ZNF462: variants seen among roughly 807,000 people sequenced by gnomAD.
ZNF462 encodes the protein zinc finger PBX1-interacting protein.
A neutral mutation model predicts 201.9 loss-of-function variants in ZNF462; 10 were observed. The ratio of observed to expected loss-of-function variants is 0.05; its 90% confidence interval spans 0.03 to 0.08. The LOEUF (loss-of-function observed/expected upper bound fraction) is 0.08, where lower values mean the gene tolerates loss of function less well. Among genes scored for constraint, ZNF462 ranks in the 10% least tolerant of loss-of-function variants. The pLI, the probability that ZNF462 is intolerant of heterozygous loss-of-function variation, is 1.00. For missense variants in ZNF462, 2,523 were observed against 3,168.3 expected, an observed-to-expected ratio of 0.80 and a Z score of 4.89; for synonymous variants, 1,227 against 1,193.3, an observed-to-expected ratio of 1.03 and a Z score of -0.58.
chr9:106,868,074 G>GAAAA (rs5899719), intron 1 of ZNF462, among the ~76,000 whole-genome samples: 3 of 145,510 alleles, frequency 2.1e-5, no homozygotes, highest in African/African-American at 2.5e-5. Context: ...CCAGTGAACT[G>GAAAA]AAAAAAAAAA....
rs1461690379 is a variant in ZNF462, at chr9:106,924,935, G to A, written c.1023G>A (p.Met341Ile). ...PNSSASKFSP[M>I]SYPQMKPKSP... ...CTTCAGCTTCCAAGTTTTCGCCCAT[G>A]TCTTACCCTCAGATGAAGCCGAAGT... The change falls in exon 3 of 13, where the codon ATG (methionine) becomes ATA (isoleucine). Residue 341 changes from methionine (M) to isoleucine (I), a missense_variant. Physicochemically the swap from Met to Ile is conservative, Grantham distance 10 (BLOSUM62 1). Coordinates refer to ENST00000277225, the MANE Select transcript of ZNF462 (RefSeq NM_021224.6). The surrounding 1 kb of genome is among the most constrained non-coding windows in gnomAD (Gnocchi z 6.2). 5 of 1,614,046 alleles carry A rather than the reference G, an allele frequency of 3.1e-6. No homozygotes were observed. The highest frequency in any genetic ancestry group is 1.3e-5 in the African/African-American group (1 of 74,920).
chr9:106,997,353 T>G (rs1349364138), intron 10 of ZNF462, among the ~76,000 whole-genome samples: 1 of 152,124 alleles, frequency 6.6e-6, no homozygotes, highest in African/African-American at 2.4e-5. Flanking sequence ...AAAATCAGTG[T>G]CTCAAAGAGC....
At chr9:106,999,991 C>T (rs1356171307) in intron 10 of ZNF462, among the ~76,000 whole-genome samples, 4 of 151,882 alleles carry the variant, frequency 2.6e-5, no homozygotes, top group Non-Finnish European at 2.9e-5. Flanking sequence ...CTCTTGAAGG[C>T]GGGGTGCAGA....
rs761675707 is a variant in ZNF462 at position 106,926,602 on chromosome 9, A to C, written c.2690A>C (p.Asn897Thr). Residue 897 changes from asparagine to threonine, a missense_variant, in exon 3 of 13, where the codon AAC becomes ACC. This residue lies in a region of ZNF462 where 280 missense variants were observed against 321.3 expected (regional missense o/e 0.87). Coordinates refer to ENST00000277225, the MANE Select transcript of ZNF462 (RefSeq NM_021224.6). The surrounding 1 kb of genome is among the most constrained non-coding windows in gnomAD (Gnocchi z 7.9). ...CTGGAATGCTACATCGATTACACCA[A>C]CTTCGAAGATCTCCAGCAGCATTAT... ...RCLECYIDYT[N>T]FEDLQQHYGE... 9.9e-6 allele frequency: 16 copies of C among 1,614,074 alleles called. No individual in the cohort carries two copies. The highest frequency in any genetic ancestry group is 1.4e-5 in the Non-Finnish European group (16 of 1,180,032).
Position 106,863,181 on chromosome 9 carries a change from A to C in ZNF462, c.-205A>C. Reference sequence around the variant, plus strand: ...CAGCTGCAGCGAGTCTGAGGAGCCGAGGAAGGCAGGGAAGATGGCGATCCT... The same window carrying C: ...CAGCTGCAGCGAGTCTGAGGAGCCGCGGAAGGCAGGGAAGATGGCGATCCT... On this transcript the variant is annotated 5_prime_UTR_variant, in exon 1 of 13. Coordinates refer to ENST00000277225, the MANE Select transcript of ZNF462 (RefSeq NM_021224.6). 2 of 399,190 alleles carry C rather than the reference A, an allele frequency of 5.0e-6. No individual in the cohort carries two copies. Among genetic ancestry groups the C allele is most frequent in the Non-Finnish European group, 8.8e-6 (2 of 226,356 alleles). 24.7% of individuals were successfully genotyped at this position (399,190 alleles called of 1,614,324 possible).
At position 106,929,184 on chromosome 9, in the gene ZNF462, G is replaced by A. The variant is rs1339655601; in HGVS notation, c.5272G>A (p.Glu1758Lys). The A allele has an allele frequency of 1.9e-6, 3 of 1,614,128 alleles. No homozygotes were observed. Among genetic ancestry groups the A allele is most frequent in the Non-Finnish European group, 2.5e-6 (3 of 1,180,022 alleles). ...PPKDDSPQLS[E>K]ELRRAVEKKK... ...CAAGGACGACTCCCCTCAGCTGAGCGAGGAACTCCGGCGGGCAGTGGAGAA... is the reference window on the plus strand; with the variant it reads ...CAAGGACGACTCCCCTCAGCTGAGCAAGGAACTCCGGCGGGCAGTGGAGAA... The change falls in exon 3 of 13, where the codon GAG (glutamate) becomes AAG (lysine). Residue 1758 changes from glutamate to lysine, a missense_variant. By Grantham distance (56) the Glu-to-Lys change is moderately conservative. This residue lies in a region of ZNF462 where 207 missense variants were observed against 231.6 expected (regional missense o/e 0.89). Transcript: ENST00000277225. This position sits in a 1 kb window ranked among gnomAD's most constrained non-coding sequence, Gnocchi z 8.7.
chr9:106,862,103 T>G (rs1003634421), upstream of ZNF462, among the ~76,000 whole-genome samples: 11 of 151,850 alleles, frequency 7.2e-5, no homozygotes, highest in Non-Finnish European at 8.8e-5. The surrounding 1 kb of genome is among the most constrained non-coding windows in gnomAD (Gnocchi z 4.2). Flanking sequence ...AGGAAAGAAA[T>G]AAAACGCACA....
chr9:106,982,912 C>T (rs940823816), intron 9 of ZNF462, among the ~76,000 whole-genome samples: 2 of 152,118 alleles, frequency 1.3e-5, no homozygotes, highest in African/African-American at 2.4e-5. Context: ...TACAACGTAC[C>T]GATGCCCTGG....
rs1829474637 is a variant in ZNF462, at chr9:107,005,372, A to G, written c.7189+1946A>G. Among the ~76,000 whole-genome samples, 6 of 152,294 alleles carry G rather than the reference A, an allele frequency of 3.9e-5. No individual in the cohort carries two copies. In the South Asian group the frequency reaches 1.0e-3, roughly 26 times the overall value. On this transcript the variant is annotated intron_variant, in intron 11 of 12. Coordinates refer to ENST00000277225, the MANE Select transcript of ZNF462 (RefSeq NM_021224.6). The surrounding 1 kb of genome is among the most constrained non-coding windows in gnomAD (Gnocchi z 4.4). ...CGCTTATCTCCACATTCTCTCTAGC[A>G]TGTTATCTTCACTCTTTTTGATAAT...
chr9:106,917,848 ATATTTATTTATTTATT>A lies in ZNF462; in HGVS notation c.-30-5476_-30-5461del, dbSNP rs57577781. 0.033 allele frequency among the ~76,000 whole-genome samples: 4,846 copies of A among 145,686 alleles called. 265 individuals are homozygous for A. Among genetic ancestry groups the A allele is most frequent in the African/African-American group, 0.11 (4,440 of 39,444 alleles). On this transcript the variant is annotated intron_variant, in intron 1 of 12. Transcript: ENST00000277225. This position sits in a 1 kb window ranked among gnomAD's most constrained non-coding sequence, Gnocchi z 4.5. ...TATTTTGCTGGTTTATTATTTTTTT[ATATTTATTTATTTATT>A]TATTTATTTATTTATTTATTTATTT...
chr9:106,971,405 C>T (rs763666931), intron 7 of ZNF462, among the ~76,000 whole-genome samples: 24 of 151,146 alleles, frequency 1.6e-4, no homozygotes, highest in African/African-American at 4.9e-4. Context: ...AACAAAAAAA[C>T]GGTTTACTTT....
In ZNF462 at chr9:106,927,953, T is replaced by C. The variant is rs371215534; in HGVS notation, c.4041T>C (p.Thr1347=). The part of the protein sequence containing the change: ...EHYVDYTYMA[T]KLWAGPDPSP... ...ATGTTGATTACACCTACATGGCTAC[T>C]AAACTGTGGGCTGGGCCAGACCCAT... The change falls in exon 3 of 13, where the codon ACT becomes ACC. Residue 1347 remains threonine, a synonymous_variant. Transcript: ENST00000277225. 7.4e-6 allele frequency: 12 copies of C among 1,614,072 alleles called. No individual in the cohort carries two copies. The highest frequency in any genetic ancestry group is 1.0e-5 in the Non-Finnish European group (12 of 1,180,054).
intron 9 of ZNF462, among the ~76,000 whole-genome samples, chr9:106,980,962 T>C (rs938989038): frequency 6.6e-6 from 1 of 152,248 alleles, no homozygotes; most frequent in Non-Finnish European, 1.5e-5. Flanking sequence ...TTAACTTTTA[T>C]GTCTTTCATT....
At chr9:106,964,674 AT>A (rs1034353838) in intron 7 of ZNF462, among the ~76,000 whole-genome samples, 16 of 151,544 alleles carry the variant, frequency 1.1e-4, no homozygotes, top group South Asian at 2.1e-4. Flanking sequence ...CTTAACAGTA[AT>A]TTTTTTTTAG....
At chr9:106,985,148 T>C (rs1827740479) in intron 10 of ZNF462, among the ~76,000 whole-genome samples, 1 of 152,096 alleles carries the variant, frequency 6.6e-6, no homozygotes, top group Non-Finnish European at 1.5e-5. Flanking sequence ...CATGACTATG[T>C]TCCAGTAAAA....
intron 10 of ZNF462, among the ~76,000 whole-genome samples, chr9:106,988,576 A>G (rs1003782323): frequency 6.6e-6 from 1 of 152,172 alleles, no homozygotes; most frequent in Non-Finnish European, 1.5e-5. Flanking sequence ...TCTGTGAAGC[A>G]TGATGGTGGT....
chr9:106,935,442 C>CAAAT lies in ZNF462; in HGVS notation c.6117-60_6117-57dup. 1 of 1,484,724 alleles carries CAAAT rather than the reference C, an allele frequency of 6.7e-7. No individual in the cohort carries two copies. The highest frequency in any genetic ancestry group is 9.4e-7 in the Non-Finnish European group (1 of 1,065,430). The allele number at this position is 1,484,724 out of a possible 1,614,324, so 92.0% of individuals were successfully genotyped here. On this transcript the variant is annotated intron_variant, in intron 5 of 12. Coordinates refer to ENST00000277225, the MANE Select transcript of ZNF462 (RefSeq NM_021224.6). This position sits in a 1 kb window ranked among gnomAD's most constrained non-coding sequence, Gnocchi z 4.1. ...GGATTCCTGGAAAAAAAGCAATGAG[C>CAAAT]AAATCCTCTATGCAATTTTTAATTT...
chr9:106,865,853 C>G lies in ZNF462; in HGVS notation c.-31+2498C>G, dbSNP rs1347188221. ...GGACCCAGTGCTACCCTAGTCCACA[C>G]ACATTGATGGGAGCTCTTCACATAT... On this transcript the variant is annotated intron_variant, in intron 1 of 12. Transcript: ENST00000277225. The surrounding 1 kb of genome is among the most constrained non-coding windows in gnomAD (Gnocchi z 4.1). Among the ~76,000 whole-genome samples the G allele has an allele frequency of 6.6e-6, 1 of 152,208 alleles. No individual in the cohort carries two copies. The highest frequency in any genetic ancestry group is 6.5e-5 in the Admixed American group (1 of 15,290).
In ZNF462 at chr9:106,923,332, T is replaced by G; in HGVS notation, c.-30-22T>G. Reference sequence around the variant, plus strand: ...GTGATTAGTGCATTCCTTAAGATGTTTTGTTCTGACTTCTGCCACAGGTTC... The same window carrying G: ...GTGATTAGTGCATTCCTTAAGATGTGTTGTTCTGACTTCTGCCACAGGTTC... On this transcript the variant is annotated intron_variant, in intron 1 of 12. Transcript: ENST00000277225. The surrounding 1 kb of genome is among the most constrained non-coding windows in gnomAD (Gnocchi z 5.6). The G allele has an allele frequency of 6.3e-7, 1 of 1,583,472 alleles. No homozygotes were observed.
Sources: allele counts gnomAD v4.1 joint callset (sites outside exome capture counted in the v4.1 genomes callset), GRCh38; gene constraint gnomAD v4.1.1; regional missense constraint gnomAD v4.1.1; non-coding constraint Gnocchi (gnomAD v3.1); transcripts MANE v1.5; gene names NCBI Gene and HGNC (gene_info 2026-07-23, HGNC 2026-07-21).